Variants in GRB10 observed in about 807,000 individuals in gnomAD.
The protein encoded by GRB10 is growth factor receptor-bound protein 10.
A neutral mutation model predicts 80.9 loss-of-function variants in GRB10; 20 were observed. The observed-to-expected ratio is 0.25, with a 90% confidence interval of 0.17 to 0.36. The LOEUF (loss-of-function observed/expected upper bound fraction) is 0.36. Ranked by LOEUF, GRB10 falls within the 10% of genes least tolerant of loss-of-function variation. The pLI, the probability that GRB10 is intolerant of heterozygous loss-of-function variation, is 1.00. For synonymous variants in GRB10, 291 were observed against 291.5 expected, an observed-to-expected ratio of 1.00 and a Z score of 0.02; for missense variants, 548 against 747.7, an observed-to-expected ratio of 0.73 and a Z score of 3.12.
intron 3 of GRB10, among the ~76,000 whole-genome samples, chr7:50,740,847 G>A (rs570180123): frequency 2.9e-4 from 44 of 149,204 alleles, no homozygotes; most frequent in African/African-American, 9.0e-4. Flanking sequence ...AAATACCCAA[G>A]GCAAATAGAA....
chr7:50,613,949 C>A (rs571638009), intron 12 of GRB10, among the ~76,000 whole-genome samples: 20 of 152,292 alleles, frequency 1.3e-4, no homozygotes, highest in African/African-American at 4.8e-4. Context: ...TCACTGGCTA[C>A]TGGATGTGGG....
chr7:50,605,606 G>C (rs935216055), intron 14 of GRB10, among the ~76,000 whole-genome samples, 200 bp from the exon 15 acceptor site: 1 of 152,102 alleles, frequency 6.6e-6, no homozygotes, highest in African/African-American at 2.4e-5. Context: ...TCTTAAGAAC[G>C]AAACACATTC....
intron 5 of GRB10, among the ~76,000 whole-genome samples, chr7:50,703,169 T>C (rs1248172109): frequency 6.6e-6 from 1 of 152,228 alleles, no homozygotes; most frequent in Non-Finnish European, 1.5e-5. Flanking sequence ...CCTTTCTCAT[T>C]AAGTAATTTA....
At chr7:50,708,195 G>A (rs1348440520) in intron 4 of GRB10, among the ~76,000 whole-genome samples, 1 of 152,184 alleles carries the variant, frequency 6.6e-6, no homozygotes, top group East Asian at 1.9e-4. Context: ...AAATCTGACA[G>A]GCCTGCATGA....
chr7:50,723,333 T>C (rs1342589117), intron 4 of GRB10, among the ~76,000 whole-genome samples: 1 of 152,216 alleles, frequency 6.6e-6, no homozygotes, highest in African/African-American at 2.4e-5. Flanking sequence ...GTACATCCTT[T>C]AAGCCCCGGC....
At position 50,623,857 on chromosome 7, in the gene GRB10, T is replaced by C. The variant is rs573423892; in HGVS notation, c.661+2965A>G. Among the ~76,000 whole-genome samples, 17 of 152,316 alleles carry C rather than the reference T, an allele frequency of 1.1e-4. No homozygotes were observed. The South Asian group carries it at 3.1e-3, about 28-fold the overall frequency. On this transcript the variant is annotated intron_variant, in intron 8 of 18. Transcript: ENST00000401949. ...TTCAAATTTTGGAACATTTGCATTA[T>C]AGTTACCAGTTGAACAATCCAAAAT... is the stretch of plus-strand genomic sequence containing the variant.
At chr7:50,661,482 A>G (rs2059266734) in intron 7 of GRB10, among the ~76,000 whole-genome samples, 1 of 152,218 alleles carries the variant, frequency 6.6e-6, no homozygotes, top group Non-Finnish European at 1.5e-5. Flanking sequence ...TGGCTGAAGG[A>G]AAGTGTGGCC....
At position 50,616,330 on chromosome 7, in the gene GRB10, A is replaced by G. The variant is rs771340733; in HGVS notation, c.864T>C (p.Ser288=). 1.2e-6 allele frequency: 2 copies of G among 1,614,130 alleles called. No individual in the cohort carries two copies. Among genetic ancestry groups the G allele is most frequent in the Admixed American group, 3.3e-5 (2 of 60,028 alleles). Residue 288 remains serine (S), a synonymous_variant, in exon 11 of 19, where the codon AGT becomes AGC. Transcript: ENST00000401949. ...AAAACCCTTGAATTTCAGGACAACTACTGGAGTTCAGAAAATTCTGTTGAA... is the reference window on the plus strand; with the variant it reads ...AAAACCCTTGAATTTCAGGACAACTGCTGGAGTTCAGAAAATTCTGTTGAA... The part of the protein sequence containing the change: ...TQLLQNFLNS[S]SCPEIQGFLH...
Position 50,680,132 on chromosome 7 carries a change from C to T in GRB10, c.140-5474G>A, listed in dbSNP as rs1254508634. On this transcript the variant is annotated intron_variant, in intron 5 of 18. Coordinates refer to ENST00000401949, the MANE Select transcript of GRB10 (RefSeq NM_001350814.2). ...ACAAAAGCAAACCACCTAACCACAA[C>T]TCCAAATAAAAATACAAATGGAATC... Among the ~76,000 whole-genome samples, 4 of 152,214 alleles carry T rather than the reference C, an allele frequency of 2.6e-5. No individual in the cohort carries two copies. The East Asian group carries it at 7.7e-4, about 29-fold the overall frequency.
chr7:50,605,204 T>G lies in GRB10; in HGVS notation c.1389+86A>C, dbSNP rs903961575. The G allele has an allele frequency of 1.5e-4, 152 of 1,025,874 alleles. 1 individual carries two copies. The highest frequency in any genetic ancestry group is 2.1e-4 in the Non-Finnish European group (140 of 661,800). The allele number at this position is 1,025,874 out of a possible 1,614,324, so 63.5% of individuals were successfully genotyped here. ...ATGGCACCCCTCTTGCCAACCCGCA[T>G]AGAGCTGTTCCTCTGGGAGAAGACC... On this transcript the variant is annotated intron_variant, in intron 15 of 18. Transcript: ENST00000401949.
At chr7:50,720,161 C>G (rs2067479777) in intron 4 of GRB10, among the ~76,000 whole-genome samples, 1 of 152,112 alleles carries the variant, frequency 6.6e-6, no homozygotes, top group African/African-American at 2.4e-5. Context: ...AGAGGAAAAA[C>G]TAAATACAAG....
intron 11 of GRB10, among the ~76,000 whole-genome samples, chr7:50,615,433 G>A (rs375593378): frequency 4.6e-5 from 7 of 152,322 alleles, no homozygotes; most frequent in East Asian, 1.9e-4. Context: ...CCCTGTGTCA[G>A]TTCAAAGCCC....
intron 7 of GRB10, among the ~76,000 whole-genome samples, chr7:50,667,029 C>T (rs966659756): frequency 6.4e-5 from 7 of 110,054 alleles, no homozygotes; most frequent in African/African-American, 2.2e-4. Context: ...GGCGACAGAG[C>T]GAGACTCTGT....
chr7:50,771,510 C>T (rs372849152), intron 2 of GRB10, among the ~76,000 whole-genome samples: 1 of 152,186 alleles, frequency 6.6e-6, no homozygotes, highest in Admixed American at 6.5e-5. Context: ...GTTCAAAGTA[C>T]AGCCAGCAGG....
intron 7 of GRB10, chr7:50,645,513 C>G (rs1313031719): frequency 2.7e-6 from 2 of 754,538 alleles, no homozygotes; most frequent in East Asian, 2.6e-4. Context: ...TAAAACCAAG[C>G]AAACAAAAAG....
intron 3 of GRB10, among the ~76,000 whole-genome samples, chr7:50,751,986 T>C (rs1202451047): frequency 6.6e-6 from 1 of 152,226 alleles, no homozygotes; most frequent in Non-Finnish European, 1.5e-5. Flanking sequence ...GACACTTTAC[T>C]TAAATATACT....
chr7:50,625,904 G>A (rs1485113309), intron 8 of GRB10, among the ~76,000 whole-genome samples: 1 of 152,164 alleles, frequency 6.6e-6, no homozygotes, highest in African/African-American at 2.4e-5. Flanking sequence ...TCCAGACCTA[G>A]AGGTTTAAAT....
intron 15 of GRB10, 33 bp from the exon 16 acceptor site, chr7:50,604,410 C>G (rs762837716): frequency 2.5e-5 from 39 of 1,569,974 alleles, no homozygotes; most frequent in Non-Finnish European, 3.3e-5. Flanking sequence ...GCACCGAGGA[C>G]AGCAGACAGA....
At chr7:50,617,848 G>A (rs1349235648) in intron 10 of GRB10, 1 of 605,882 alleles carries the variant, frequency 1.7e-6, no homozygotes, top group Non-Finnish European at 2.9e-6. Flanking sequence ...GTAAGTGCCT[G>A]TTTGGCTTAG....
Sources: allele counts gnomAD v4.1 joint callset (sites outside exome capture counted in the v4.1 genomes callset), GRCh38; gene constraint gnomAD v4.1.1; transcripts MANE v1.5; gene names NCBI Gene and HGNC (gene_info 2026-07-23, HGNC 2026-07-21).